The following VDAC1 variants were observed in gnomAD, a reference collection of about 807,000 sequenced individuals.
VDAC1 encodes voltage dependent anion channel 1, also known as non-selective voltage-gated ion channel VDAC1.
VDAC1 carries 10 observed loss-of-function variants against 34.7 expected under a neutral mutation model. That is an observed-to-expected ratio of 0.29 (90% CI 0.18 to 0.49). The LOEUF is 0.49. VDAC1 is among the 20% of genes least tolerant of loss of function. The probability of loss-of-function intolerance (pLI) is 0.99; values close to 1 mark genes in which losing one functional copy is unlikely to be tolerated. For synonymous variants in VDAC1, 130 were observed against 136.0 expected (o/e 0.96, Z 0.30); for missense variants, 230 against 347.9 (o/e 0.66, Z 2.69).
chr5:134,068,299 C>A, the VDAC1 span, among the ~76,000 whole-genome samples: 1 of 151,488 alleles, frequency 6.6e-6, no homozygotes, highest in African/African-American at 2.4e-5. Context: ...ATTCTTTTTC[C>A]CCTTAGTATT....
chr5:134,070,530 T>A, the VDAC1 span, among the ~76,000 whole-genome samples: 22 of 152,304 alleles, frequency 1.4e-4, no homozygotes, highest in South Asian at 4.4e-3. Flanking sequence ...ACGCCTAAGA[T>A]AATCACAGTC....
the VDAC1 span, among the ~76,000 whole-genome samples, chr5:134,099,110 T>C: frequency 2.6e-5 from 4 of 151,908 alleles, no homozygotes; most frequent in East Asian, 5.8e-4. Flanking sequence ...GGCAGAGAGG[T>C]GGACAGGCAG....
At chr5:134,088,354 G>C in the VDAC1 span, among the ~76,000 whole-genome samples, 1 of 152,208 alleles carries the variant, frequency 6.6e-6, no homozygotes, top group Non-Finnish European at 1.5e-5. Flanking sequence ...GGCCTACTGA[G>C]CTTCCAAGCT....
intron 5 of VDAC1, among the ~76,000 whole-genome samples, chr5:133,983,032 C>T (rs1021449193): frequency 2.0e-5 from 3 of 151,782 alleles, no homozygotes; most frequent in African/African-American, 7.3e-5. Flanking sequence ...GGCGGATCAC[C>T]TGAGGTCGGG....
At chr5:134,075,681 T>G in the VDAC1 span, among the ~76,000 whole-genome samples, 2 of 152,252 alleles carry the variant, frequency 1.3e-5, no homozygotes, top group East Asian at 3.9e-4. Flanking sequence ...CCTCCCGGGT[T>G]CAAGTGATTC....
At chr5:134,010,392 G>A in the VDAC1 span, among the ~76,000 whole-genome samples, 1 of 152,100 alleles carries the variant, frequency 6.6e-6, no homozygotes, top group Non-Finnish European at 1.5e-5. Flanking sequence ...GAGATCAGGA[G>A]TTTGAGACCA....
the VDAC1 span, among the ~76,000 whole-genome samples, chr5:134,074,228 C>T: frequency 6.6e-6 from 1 of 151,864 alleles, no homozygotes; most frequent in Non-Finnish European, 1.5e-5. Context: ...AGGAGAATGG[C>T]ATGAACCCGG....
At chr5:133,973,452 T>C (rs962112547) in intron 8 of VDAC1, among the ~76,000 whole-genome samples, 1 of 152,248 alleles carries the variant, frequency 6.6e-6, no homozygotes. Flanking sequence ...TATTTCTTTG[T>C]CTTTTTACAG....
In VDAC1 at chr5:133,976,039, A is replaced by G. The variant is rs768736065; in HGVS notation, c.552-18T>C. On this transcript the variant is annotated intron_variant, in intron 6 of 8. Coordinates refer to ENST00000265333, the MANE Select transcript of VDAC1 (RefSeq NM_003374.3). ...CGTCATTCCTGCAAACAAGCACAGG[A>G]CAGATGCTGAGCTTCCCAGGGAGGT... The G allele has an allele frequency of 6.2e-6, 10 of 1,613,906 alleles. No individual in the cohort carries two copies. The highest frequency in any genetic ancestry group is 8.5e-6 in the Non-Finnish European group (10 of 1,179,896).
At chr5:134,061,112 A>T in the VDAC1 span, among the ~76,000 whole-genome samples, 1 of 147,136 alleles carries the variant, frequency 6.8e-6, no homozygotes, top group African/African-American at 2.5e-5. Context: ...TGATCTGCCC[A>T]CCTCGGCCTC....
the VDAC1 span, among the ~76,000 whole-genome samples, chr5:134,095,423 C>T: frequency 6.6e-6 from 1 of 151,882 alleles, no homozygotes; most frequent in Non-Finnish European, 1.5e-5. Context: ...ATTGAGCCTG[C>T]AGTGAGCTAT....
At chr5:134,108,060 C>T in the VDAC1 span, among the ~76,000 whole-genome samples, 1 of 152,148 alleles carries the variant, frequency 6.6e-6, no homozygotes, top group Non-Finnish European at 1.5e-5. Context: ...ATGGTGGCTT[C>T]AATTCTAAAG....
chr5:134,070,670 T>C, the VDAC1 span, among the ~76,000 whole-genome samples: 4 of 152,336 alleles, frequency 2.6e-5, no homozygotes, highest in African/African-American at 9.6e-5. Context: ...TTTTTGTTCA[T>C]AGTAAATATT....
At chr5:134,048,932 C>A in the VDAC1 span, among the ~76,000 whole-genome samples, 2 of 152,214 alleles carry the variant, frequency 1.3e-5, no homozygotes, top group African/African-American at 2.4e-5. Context: ...AATGAACCAA[C>A]ATGGATAATG....
Position 133,972,362 on chromosome 5 carries a change from G to C in VDAC1, c.*409C>G, listed in dbSNP as rs1752327799. On this transcript the variant is annotated 3_prime_UTR_variant, in exon 9 of 9. Coordinates refer to ENST00000265333, the MANE Select transcript of VDAC1 (RefSeq NM_003374.3). ...GTCTAAAAAAGTCCCATTCAGGTGA[G>C]TTTGTACACACCATCAAGCAGCGAG... 8.0e-6 allele frequency: 3 copies of C among 377,164 alleles called. No homozygotes were observed. In the East Asian group the frequency reaches 1.2e-4, roughly 15 times the overall value. 23.4% of individuals were successfully genotyped at this position (377,164 alleles called of 1,614,324 possible).
intron 6 of VDAC1, 96 bp from the exon 7 acceptor site, chr5:133,976,117 G>C (rs1348045686): frequency 6.8e-7 from 1 of 1,471,250 alleles, no homozygotes; most frequent in Non-Finnish European, 9.4e-7. Context: ...AGGGATGACA[G>C]AAATGGACTG....
the VDAC1 span, among the ~76,000 whole-genome samples, chr5:134,059,374 G>A: frequency 3.3e-3 from 500 of 152,264 alleles, 5 homozygotes; most frequent in African/African-American, 0.011. Context: ...GGAAGCGGCT[G>A]GCATCAGAGC....
At chr5:134,094,487 G>A in the VDAC1 span, among the ~76,000 whole-genome samples, 1 of 152,156 alleles carries the variant, frequency 6.6e-6, no homozygotes. Context: ...CACGAGGTCA[G>A]GAGATCGAGA....
chr5:133,991,980 T>C (rs1235142410), intron 3 of VDAC1, among the ~76,000 whole-genome samples: 1 of 152,204 alleles, frequency 6.6e-6, no homozygotes, highest in Non-Finnish European at 1.5e-5. Flanking sequence ...CTCATGCCTA[T>C]AATTCCAGCA....
Sources: allele counts gnomAD v4.1 joint callset (sites outside exome capture counted in the v4.1 genomes callset), GRCh38; gene constraint gnomAD v4.1.1; transcripts MANE v1.5; gene names NCBI Gene and HGNC (gene_info 2026-07-23, HGNC 2026-07-21).